TBC1D5: variants seen among roughly 807,000 people sequenced by gnomAD.
TBC1D5 encodes TBC1 domain family member 5, also known as TBC1 domain family, member 5.
In TBC1D5, 75 loss-of-function variants were observed where a neutral mutation model predicts 100.3. The ratio of observed to expected loss-of-function variants is 0.75; its 90% CI spans 0.62 to 0.91. The LOEUF (loss-of-function observed/expected upper bound fraction) is 0.91, where lower values mean the gene tolerates loss of function less well. TBC1D5 is among the 40% of genes least tolerant of loss of function. The probability of loss-of-function intolerance (pLI) is 0.00; values close to 1 mark genes in which losing one functional copy is unlikely to be tolerated. For synonymous variants in TBC1D5, 323 were observed against 325.6 expected, an observed-to-expected ratio of 0.99 and a Z score of 0.09; for missense variants, 910 against 942.4, an observed-to-expected ratio of 0.97 and a Z score of 0.45.
intron 1 of TBC1D5, chr3:17,662,872 G>A (rs2066800162): frequency 6.6e-6 from 1 of 152,054 alleles, no homozygotes; most frequent in Admixed American, 6.6e-5. Context: ...AACACAGTAT[G>A]TGTATATACA....
intron 18 of TBC1D5, among the ~76,000 whole-genome samples, chr3:17,201,988 C>G (rs1333036951): frequency 1.3e-5 from 2 of 152,124 alleles, no homozygotes; most frequent in African/African-American, 2.4e-5. Context: ...AACTTGGTAA[C>G]AGGCAGAGGT....
At chr3:17,535,946 T>C (rs553396011) in intron 2 of TBC1D5, among the ~76,000 whole-genome samples, 27 of 152,252 alleles carry the variant, frequency 1.8e-4, no homozygotes, top group African/African-American at 6.5e-4. Context: ...AATCCCCACA[T>C]TTAAAGATTG....
chr3:17,343,238 T>C (rs2089292101), intron 13 of TBC1D5, among the ~76,000 whole-genome samples: 1 of 152,166 alleles, frequency 6.6e-6, no homozygotes, highest in Admixed American at 6.5e-5. Context: ...GTGGTTTTTG[T>C]CTTTGGTTCT....
chr3:17,574,406 C>T (rs1198067643), intron 2 of TBC1D5, among the ~76,000 whole-genome samples: 1 of 152,050 alleles, frequency 6.6e-6, no homozygotes, highest in Non-Finnish European at 1.5e-5. Context: ...TCCCCACTCC[C>T]ACTGAACCCA....
At chr3:17,573,628 C>G (rs1359640194) in intron 2 of TBC1D5, among the ~76,000 whole-genome samples, 1 of 152,014 alleles carries the variant, frequency 6.6e-6, no homozygotes, top group Non-Finnish European at 1.5e-5. Flanking sequence ...CTTGCAGTTC[C>G]TCAATACACT....
At chr3:17,644,427 T>C (rs895236533) in intron 1 of TBC1D5, among the ~76,000 whole-genome samples, 2 of 152,150 alleles carry the variant, frequency 1.3e-5, no homozygotes, top group Non-Finnish European at 2.9e-5. Flanking sequence ...ATTTCAACTA[T>C]TATAAGTAAA....
At chr3:17,671,123 T>A (rs1246846384) in intron 1 of TBC1D5, among the ~76,000 whole-genome samples, 1 of 152,206 alleles carries the variant, frequency 6.6e-6, no homozygotes, top group African/African-American at 2.4e-5. Flanking sequence ...TACATTTAAC[T>A]CTGCTAGGTT....
intron 2 of TBC1D5, among the ~76,000 whole-genome samples, chr3:17,536,078 T>A (rs766997794): frequency 1.8e-4 from 27 of 152,174 alleles, no homozygotes; most frequent in Non-Finnish European, 3.5e-4. Context: ...CAATCTTCAA[T>A]CCTATTTTCA....
intron 15 of TBC1D5, among the ~76,000 whole-genome samples, chr3:17,276,551 A>T (rs984218659): frequency 9.9e-5 from 15 of 152,198 alleles, no homozygotes; most frequent in African/African-American, 2.9e-4. Flanking sequence ...CAGAGAGATG[A>T]CTTGGCTTTT....
At chr3:17,627,612 G>A (rs1577095605) in intron 1 of TBC1D5, among the ~76,000 whole-genome samples, 2 of 151,492 alleles carry the variant, frequency 1.3e-5, no homozygotes, top group African/African-American at 4.8e-5. Context: ...TTAAACAAGC[G>A]GGGTCTTAGA....
At chr3:17,291,062 C>T (rs1002333277) in intron 15 of TBC1D5, among the ~76,000 whole-genome samples, 2 of 152,220 alleles carry the variant, frequency 1.3e-5, no homozygotes, top group Non-Finnish European at 1.5e-5. Flanking sequence ...CACAGACAGA[C>T]TGACTGACTC....
At chr3:17,306,933 G>C (rs2083462235) in intron 14 of TBC1D5, among the ~76,000 whole-genome samples, 1 of 152,058 alleles carries the variant, frequency 6.6e-6, no homozygotes, top group African/African-American at 2.4e-5. Context: ...TGGCTCAGAA[G>C]GAAGAAACTT....
chr3:17,677,034 A>C (rs2068736853), intron 1 of TBC1D5, among the ~76,000 whole-genome samples: 1 of 152,148 alleles, frequency 6.6e-6, no homozygotes, highest in South Asian at 2.1e-4. Context: ...TGTTAGACCT[A>C]AATCCATAAA....
At chr3:17,600,456 A>G (rs1297769300) in intron 2 of TBC1D5, among the ~76,000 whole-genome samples, 1 of 152,184 alleles carries the variant, frequency 6.6e-6, no homozygotes, top group African/African-American at 2.4e-5. Flanking sequence ...ACTAAGGATA[A>G]TTTTTAAAGG....
chr3:17,566,718 C>T (rs1175679775), intron 2 of TBC1D5, among the ~76,000 whole-genome samples: 1 of 151,750 alleles, frequency 6.6e-6, no homozygotes, highest in Non-Finnish European at 1.5e-5. Context: ...CAAATATATG[C>T]ATATATACAT....
chr3:17,374,612 A>C lies in TBC1D5; in HGVS notation c.752+17T>G. On this transcript the variant is annotated intron_variant, in intron 11 of 21. Coordinates refer to ENST00000253692, the Ensembl canonical transcript of TBC1D5. ...GATGGTATAAAAAAATAAAACAAAGAAAGTTTTTGTACTTACTAGGCATCA... is the reference window on the plus strand; with the variant it reads ...GATGGTATAAAAAAATAAAACAAAGCAAGTTTTTGTACTTACTAGGCATCA... 1 of 1,610,506 alleles carries C rather than the reference A, an allele frequency of 6.2e-7. No individual in the cohort carries two copies. Among genetic ancestry groups the C allele is most frequent in the Non-Finnish European group, 8.5e-7 (1 of 1,178,828 alleles).
At chr3:17,202,716 C>T (rs951190772) in intron 18 of TBC1D5, among the ~76,000 whole-genome samples, 4 of 152,214 alleles carry the variant, frequency 2.6e-5, no homozygotes, top group African/African-American at 4.8e-5. Context: ...CCTAAGATAT[C>T]GCAGGCTGTT....
At chr3:17,719,985 G>T (rs1294541565) in intron 1 of TBC1D5, among the ~76,000 whole-genome samples, 1 of 146,222 alleles carries the variant, frequency 6.8e-6, no homozygotes, top group Non-Finnish European at 1.5e-5. Context: ...AACCAGCACT[G>T]CATGAATACT....
intron 16 of TBC1D5, among the ~76,000 whole-genome samples, chr3:17,257,962 ACAAAAC>A (rs1454430270): frequency 9.2e-5 from 14 of 152,340 alleles, no homozygotes; most frequent in African/African-American, 3.4e-4. Flanking sequence ...TTATGAAAGA[ACAAAAC>A]CATTCATCAA....
Sources: gnomAD v4.1 joint callset for allele counts (sites outside exome capture counted in the v4.1 genomes callset) on GRCh38, gnomAD v4.1.1 for gene constraint, MANE v1.5 for transcripts, NCBI Gene and HGNC (gene_info 2026-07-23, HGNC 2026-07-21) for gene names.